GLIS1: variants seen among roughly 807,000 people sequenced by gnomAD.
The protein encoded by GLIS1 is GLIS family zinc finger 1, also known as zinc finger protein GLIS1.
Under a neutral mutation model 63.8 loss-of-function variants are expected in GLIS1, and 24 were observed. The observed-to-expected ratio is 0.38, with a 90% CI of 0.27 to 0.53. GLIS1 has a LOEUF of 0.53. Ranked by LOEUF, GLIS1 falls within the 20% of genes least tolerant of loss-of-function variation. GLIS1 has a pLI of 0.85. For synonymous variants in GLIS1, 450 were observed against 482.5 expected (o/e 0.93, Z 0.88); for missense variants, 1,036 against 1,074.1 (o/e 0.96, Z 0.50).
intron 2 of GLIS1, among the ~76,000 whole-genome samples, chr1:53,625,684 G>C (rs1272251433): frequency 8.5e-5 from 13 of 152,188 alleles, no homozygotes; most frequent in Admixed American, 8.5e-4. Context: ...CTGATGCTTT[G>C]TAAGGAAAAT....
At chr1:53,581,754 T>C (rs1051232427) in intron 4 of GLIS1, among the ~76,000 whole-genome samples, 5 of 152,084 alleles carry the variant, frequency 3.3e-5, no homozygotes, top group African/African-American at 7.2e-5. Context: ...GAAATGAACT[T>C]AGCATATCTG....
chr1:53,653,478 C>CCT (rs1398843807), intron 2 of GLIS1, among the ~76,000 whole-genome samples: 1 of 152,128 alleles, frequency 6.6e-6, no homozygotes, highest in Non-Finnish European at 1.5e-5. Context: ...TGTCTGCGTT[C>CCT]CTCTGTTCTG....
chr1:53,628,344 C>T (rs1403912259), intron 2 of GLIS1, among the ~76,000 whole-genome samples: 1 of 152,136 alleles, frequency 6.6e-6, no homozygotes, highest in Non-Finnish European at 1.5e-5. Flanking sequence ...CTCCCATGGC[C>T]ACACAGTAGA....
intron 2 of GLIS1, among the ~76,000 whole-genome samples, chr1:53,670,167 C>T (rs1167765816): frequency 6.6e-6 from 1 of 152,222 alleles, no homozygotes; most frequent in East Asian, 1.9e-4. Flanking sequence ...CCAAGAATGG[C>T]TCAGCCAACA....
chr1:53,680,656 G>A (rs947645712), intron 2 of GLIS1, among the ~76,000 whole-genome samples: 1 of 152,168 alleles, frequency 6.6e-6, no homozygotes, highest in Non-Finnish European at 1.5e-5. Context: ...TAAAACTCAC[G>A]TGGCCAGAAA....
intron 1 of GLIS1, among the ~76,000 whole-genome samples, chr1:53,738,810 C>G (rs567710058): frequency 4.5e-4 from 69 of 152,324 alleles, no homozygotes; most frequent in African/African-American, 1.3e-3. Context: ...GCCACACACC[C>G]GCACACCCGC....
At chr1:53,595,202 G>A (rs996207860) in intron 3 of GLIS1, among the ~76,000 whole-genome samples, 1 of 152,112 alleles carries the variant, frequency 6.6e-6, no homozygotes, top group Non-Finnish European at 1.5e-5. Context: ...GAGAGAGGAA[G>A]AGAAGGGCTG....
intron 2 of GLIS1, among the ~76,000 whole-genome samples, chr1:53,667,890 A>C (rs57919184): frequency 0.027 from 4,108 of 152,210 alleles, 169 homozygotes; most frequent in African/African-American, 0.093. Flanking sequence ...AATTTTGGAG[A>C]GGCCCCATTC....
intron 6 of GLIS1, among the ~76,000 whole-genome samples, chr1:53,524,508 G>A (rs903086662): frequency 6.6e-6 from 1 of 152,256 alleles, no homozygotes; most frequent in East Asian, 1.9e-4. Context: ...GCCGCGGGAG[G>A]TGCACAGATG....
At chr1:53,736,121 T>G (rs1039554625) in intron 2 of GLIS1, among the ~76,000 whole-genome samples, 5 of 152,174 alleles carry the variant, frequency 3.3e-5, no homozygotes, top group Non-Finnish European at 7.3e-5. Flanking sequence ...GTGAAACCTC[T>G]TGGAAAAAAG....
chr1:53,509,364 C>A, intron 9 of GLIS1, 77 bp from the exon 10 acceptor site: 1 of 1,354,836 alleles, frequency 7.4e-7, no homozygotes, highest in Non-Finnish European at 1.0e-6. Context: ...CCTTGCTGCA[C>A]GCTCCACCTC....
rs1224505654 is a variant in GLIS1 at position 53,524,870 on chromosome 1, C to T, written c.1500G>A (p.Gln500=). The change falls in exon 6 of 11, where the codon CAG becomes CAA. Residue 500 remains glutamine, a synonymous_variant. Transcript: ENST00000628545. Reference sequence around the variant, plus strand: ...TGTAGCGCTTGGAGCAGCCAGGGATCTGACAGGCGTACGGCTTCTGTAACA... The same window carrying T: ...TGTAGCGCTTGGAGCAGCCAGGGATTTGACAGGCGTACGGCTTCTGTAACA... The part of the protein sequence containing the change: ...THLDTKPYAC[Q]IPGCSKRYTD... 1 of 1,610,830 alleles carries T rather than the reference C, an allele frequency of 6.2e-7. No individual in the cohort carries two copies. The highest frequency in any genetic ancestry group is 8.5e-7 in the Non-Finnish European group (1 of 1,177,960).
intron 4 of GLIS1, among the ~76,000 whole-genome samples, chr1:53,548,908 A>G (rs1644732220): frequency 6.6e-6 from 1 of 152,146 alleles, no homozygotes; most frequent in Non-Finnish European, 1.5e-5. Context: ...CCCGAAAGAA[A>G]CCTTGTATCT....
intron 2 of GLIS1, among the ~76,000 whole-genome samples, chr1:53,610,886 C>T (rs1446625793): frequency 6.6e-6 from 1 of 152,112 alleles, no homozygotes; most frequent in Non-Finnish European, 1.5e-5. Context: ...CATGCATCAG[C>T]CTGGATTTTG....
intron 5 of GLIS1, among the ~76,000 whole-genome samples, chr1:53,528,143 G>A (rs1301412517): frequency 6.6e-6 from 1 of 152,156 alleles, no homozygotes; most frequent in Admixed American, 6.5e-5. Context: ...AGGGTGCCAC[G>A]GGCCCCTTGG....
Position 53,526,491 on chromosome 1 carries a change from G to A in GLIS1, c.1483-1604C>T, listed in dbSNP as rs974725187. On this transcript the variant is annotated intron_variant, in intron 5 of 10. Transcript: ENST00000628545. This position sits in a 1 kb window ranked among gnomAD's most constrained non-coding sequence, Gnocchi z 4.4. Reference sequence around the variant, plus strand: ...TGGCCCCTGCTGCCCCCAGCCCACCGCACCCCAGAGGTAGGCTCCCTCTCT... The same window carrying A: ...TGGCCCCTGCTGCCCCCAGCCCACCACACCCCAGAGGTAGGCTCCCTCTCT... 1.1e-4 allele frequency among the ~76,000 whole-genome samples: 16 copies of A among 151,998 alleles called. No individual in the cohort carries two copies. The highest frequency in any genetic ancestry group is 8.8e-5 in the Non-Finnish European group (6 of 67,958).
chr1:53,584,724 T>C (rs1411359555), intron 4 of GLIS1, among the ~76,000 whole-genome samples: 1 of 152,186 alleles, frequency 6.6e-6, no homozygotes, highest in Non-Finnish European at 1.5e-5. Context: ...AGCATCTCGG[T>C]CTTGGTGTGT....
At chr1:53,610,445 T>C (rs1053332219) in intron 2 of GLIS1, among the ~76,000 whole-genome samples, 4 of 152,238 alleles carry the variant, frequency 2.6e-5, no homozygotes, top group Non-Finnish European at 5.9e-5. Context: ...TTCTGCTGGG[T>C]ATAGAATTCT....
intron 2 of GLIS1, among the ~76,000 whole-genome samples, chr1:53,675,806 C>T (rs1183834448): frequency 6.6e-6 from 1 of 152,144 alleles, no homozygotes; most frequent in Non-Finnish European, 1.5e-5. Flanking sequence ...TGGGCTCCTT[C>T]CAATTGGAGC....
Sources: gnomAD v4.1 joint callset for allele counts (sites outside exome capture counted in the v4.1 genomes callset) on GRCh38, gnomAD v4.1.1 for gene constraint, Gnocchi (gnomAD v3.1) non-coding constraint, MANE v1.5 for transcripts, NCBI Gene and HGNC (gene_info 2026-07-23, HGNC 2026-07-21) for gene names.